KLC4: variants seen among roughly 807,000 people sequenced by gnomAD.
The protein encoded by KLC4 is kinesin light chain 4.
KLC4 carries 49 observed loss-of-function variants against 77.2 expected under a neutral mutation model. The observed-to-expected ratio is 0.63, with a 90% confidence interval of 0.50 to 0.80. The LOEUF (loss-of-function observed/expected upper bound fraction) is 0.80, where lower values mean the gene tolerates loss of function less well. Among genes scored for constraint, KLC4 ranks in the 30% least tolerant of loss-of-function variants. The pLI is 0.00. For missense variants in KLC4, 669 were observed against 793.5 expected, an observed-to-expected ratio of 0.84 and a Z score of 1.89; for synonymous variants, 274 against 314.5, an observed-to-expected ratio of 0.87 and a Z score of 1.36.
At chr6:43,072,999 C>T in intron 13 of KLC4, 35 bp downstream of exon 13, 3 of 1,554,242 alleles carry the variant, frequency 1.9e-6, no homozygotes, top group Non-Finnish European at 2.6e-6. Flanking sequence ...TCTCTCCTGC[C>T]CACTCCTGCT....
In KLC4 at chr6:43,065,781, A is replaced by T. The variant is rs950980271; in HGVS notation, c.571+80A>T. 5 of 913,072 alleles carry T rather than the reference A, an allele frequency of 5.5e-6. No homozygotes were observed. In the African/African-American group the frequency reaches 8.3e-5, roughly 15 times the overall value. 56.6% of individuals were successfully genotyped at this position (913,072 alleles called of 1,614,324 possible). A position where few individuals can be genotyped will look rare whatever the true frequency, so the allele number is the denominator to read the frequency against. On this transcript the variant is annotated intron_variant, in intron 4 of 15. Transcript: ENST00000347162. ...AGCTGTGGCCCACCCTGTACACAGG[A>T]CAGTCACCATCTAGAAATAGGTTCT...
At chr6:43,072,547 T>C (rs1765784217) in intron 12 of KLC4, among the ~76,000 whole-genome samples, 1 of 152,038 alleles carries the variant, frequency 6.6e-6, no homozygotes, top group Non-Finnish European at 1.5e-5. Flanking sequence ...AGGAGTGAGG[T>C]TGGGGAGAGC....
intron 6 of KLC4, 195 bp downstream of exon 6, chr6:43,067,278 CT>C (rs1765486482): frequency 1.6e-6 from 2 of 1,223,992 alleles, no homozygotes; most frequent in African/African-American, 1.5e-5. Flanking sequence ...TCAGTGACTC[CT>C]TTTTATAACA....
chr6:43,066,433 CTG>C lies in KLC4; in HGVS notation c.701_702del (p.Cys234Ter). 1 of 1,614,180 alleles carries C rather than the reference CTG, an allele frequency of 6.2e-7. No individual in the cohort carries two copies. The highest frequency in any genetic ancestry group is 8.5e-7 in the Non-Finnish European group (1 of 1,180,034). On this transcript the variant is annotated frameshift_variant, in exon 5 of 16. Coordinates refer to ENST00000347162, the MANE Select transcript of KLC4 (RefSeq NM_201521.3). LOFTEE classifies it high-confidence loss of function. ...QGRYEVAVPL[C>X]KQALEDLERT... Reference sequence around the variant, plus strand: ...GTCGCTATGAGGTGGCCGTGCCACTCTGTAAGCAGGCACTAGAGGACCTGGAG... The same window carrying C: ...GTCGCTATGAGGTGGCCGTGCCACTCTAAGCAGGCACTAGAGGACCTGGAG...
Position 43,071,186 on chromosome 6 carries a change from G to T in KLC4, c.1156-89G>T. 5 of 774,908 alleles carry T rather than the reference G, an allele frequency of 6.5e-6. No individual in the cohort carries two copies. The Middle Eastern group carries it at 9.6e-4, about 148-fold the overall frequency. The allele number at this position is 774,908 out of a possible 1,614,324, so 48.0% of individuals were successfully genotyped here. On this transcript the variant is annotated intron_variant, in intron 8 of 15. Coordinates refer to ENST00000347162, the MANE Select transcript of KLC4 (RefSeq NM_201521.3). Reference sequence around the variant, plus strand: ...TGAGAAGTGGAACTCCCTGAGCCTGGTGAAGACCTTGTCTAAAAAAAAAAA... The same window carrying T: ...TGAGAAGTGGAACTCCCTGAGCCTGTTGAAGACCTTGTCTAAAAAAAAAAA...
At chr6:43,066,844 G>A (rs1164166473) in intron 5 of KLC4, 152 bp from the exon 6 acceptor site, 3 of 1,134,086 alleles carry the variant, frequency 2.6e-6, no homozygotes, top group East Asian at 2.5e-5. Context: ...GTATGAGTAT[G>A]TCAGTGAAGC....
Position 43,074,735 on chromosome 6 carries a change from C to T in KLC4, c.*63C>T, listed in dbSNP as rs1765906752. 2.9e-6 allele frequency: 4 copies of T among 1,380,066 alleles called. No homozygotes were observed. The South Asian group carries it at 4.6e-5, about 16-fold the overall frequency. The allele number at this position is 1,380,066 out of a possible 1,614,324, so 85.5% of individuals were successfully genotyped here. ...CCCCCACAGCCCTCACAGCATTCCC[C>T]ATTGCTCCTGGCTCTTCCCCACCCC... On this transcript the variant is annotated 3_prime_UTR_variant, in exon 16 of 16. Coordinates refer to ENST00000347162, the MANE Select transcript of KLC4 (RefSeq NM_201521.3).
Position 43,074,606 on chromosome 6 carries a change from GTGT to G in KLC4, c.1810-12_1810-10del, listed in dbSNP as rs1765893221. On this transcript the variant is annotated splice_polypyrimidine_tract_variant and intron_variant, in intron 15 of 15. Coordinates refer to ENST00000347162, the MANE Select transcript of KLC4 (RefSeq NM_201521.3). The stretch of plus-strand genomic sequence containing the variant: ...CCGAGGTCCCTGAGCTGATGGGGTA[GTGT>G]TGTCTGTTTCAGGTCTCCCGGGGCC... 1.9e-6 allele frequency: 3 copies of G among 1,613,668 alleles called. No individual in the cohort carries two copies. Among genetic ancestry groups the G allele is most frequent in the Non-Finnish European group, 2.5e-6 (3 of 1,179,558 alleles).
rs386700664 is a variant in KLC4, at chr6:43,070,924, GGA to G, written c.1155+61_1155+62del. On this transcript the variant is annotated intron_variant, in intron 8 of 15. Coordinates refer to ENST00000347162, the MANE Select transcript of KLC4 (RefSeq NM_201521.3). Reference sequence around the variant, plus strand: ...CGGAGAGGGGGGCACAGAGGTGGGGGGAGGGGGGGCAGGCGGAGAGGCCACTT... The same window carrying G: ...CGGAGAGGGGGGCACAGAGGTGGGGGGGGGGGGCAGGCGGAGAGGCCACTT... 762 of 317,480 alleles carry G rather than the reference GGA, an allele frequency of 2.4e-3. 5 individuals are homozygous for G. The highest frequency in any genetic ancestry group is 0.011 in the African/African-American group (328 of 28,680). 19.7% of individuals were successfully genotyped at this position (317,480 alleles called of 1,614,324 possible).
chr6:43,071,582 T>C lies in KLC4; in HGVS notation c.1271T>C (p.Ile424Thr), dbSNP rs1765728357. The C allele has an allele frequency of 6.2e-7, 1 of 1,613,428 alleles. No individual in the cohort carries two copies. The highest frequency in any genetic ancestry group is 8.5e-7 in the Non-Finnish European group (1 of 1,179,874). ...FGSVDDDHKP[I>T]WMHAEEREEM... Reference sequence around the variant, plus strand: ...TCACCCCTAGATGACCACAAGCCCATCTGGATGCATGCAGAGGAGCGGGAG... The same window carrying C: ...TCACCCCTAGATGACCACAAGCCCACCTGGATGCATGCAGAGGAGCGGGAG... The change falls in exon 10 of 16, where the codon ATC becomes ACC. Residue 424 changes from isoleucine to threonine, a missense_variant. Coordinates refer to ENST00000347162, the MANE Select transcript of KLC4 (RefSeq NM_201521.3).
chr6:43,061,456 C>T lies in KLC4; in HGVS notation c.121C>T (p.Gln41Ter). 6.2e-7 allele frequency: 1 copy of T among 1,614,210 alleles called. No homozygotes were observed. Among genetic ancestry groups the T allele is most frequent in the Non-Finnish European group, 8.5e-7 (1 of 1,180,034 alleles). Residue 41 changes from glutamine (Q) to a stop codon, truncating the protein, a stop_gained, in exon 2 of 16, where the codon CAG becomes TAG. Transcript: ENST00000347162. LOFTEE classifies it high-confidence loss of function. ...GCTAGAGGCCCTACGCAGTGAACAC[C>T]AGGCCGTGCTGCAAAGCCTGTCCCA... is the stretch of plus-strand genomic sequence containing the variant. ...QGLEALRSEH[Q>*]AVLQSLSQTI... is the part of the protein sequence containing the mutation.
chr6:43,071,434 T>C (rs1215748622), intron 9 of KLC4, 60 bp downstream of exon 9: 2 of 1,556,392 alleles, frequency 1.3e-6, no homozygotes, highest in Non-Finnish European at 1.8e-6. Context: ...AGACCAAAGG[T>C]CGGGGGTTAG....
chr6:43,064,727 A>G (rs114746147), intron 3 of KLC4, among the ~76,000 whole-genome samples: 1,930 of 152,316 alleles, frequency 0.013, 45 homozygotes, highest in African/African-American at 0.043. Context: ...TCCCAGGGAA[A>G]GTGAGTAGAT....
In KLC4 at chr6:43,065,657, A is replaced by T. The variant is rs753808766; in HGVS notation, c.527A>T (p.Asp176Val). Residue 176 changes from aspartate (D) to valine (V), a missense_variant, in exon 4 of 16, where the codon GAT becomes GTT. Asp to Val is a radical substitution (Grantham distance 152, BLOSUM62 -3). Coordinates refer to ENST00000347162, the MANE Select transcript of KLC4 (RefSeq NM_201521.3). Reference sequence around the variant, plus strand: ...GGCGATGCCACCAAGGATTCCCTGGATGACCTCTTTCCTAATGAGGAGGAA... The same window carrying T: ...GGCGATGCCACCAAGGATTCCCTGGTTGACCTCTTTCCTAATGAGGAGGAA... ...KEGDATKDSL[D>V]DLFPNEEEED... is the part of the protein sequence containing the mutation. 6.2e-7 allele frequency: 1 copy of T among 1,614,006 alleles called. No homozygotes were observed. Among genetic ancestry groups the T allele is most frequent in the Non-Finnish European group, 8.5e-7 (1 of 1,179,920 alleles).
chr6:43,074,246 T>C (rs1009038982), intron 15 of KLC4: 13 of 465,378 alleles, frequency 2.8e-5, no homozygotes, highest in African/African-American at 2.6e-4. Context: ...TTAAGAATTA[T>C]TTGGAGATAC....
At position 43,064,439 on chromosome 6, in the gene KLC4, G is replaced by A. The variant is rs191959441; in HGVS notation, c.490-1181G>A. 1.6e-4 allele frequency among the ~76,000 whole-genome samples: 24 copies of A among 152,302 alleles called. No homozygotes were observed. The East Asian group carries it at 2.7e-3, about 17-fold the overall frequency. On this transcript the variant is annotated intron_variant, in intron 3 of 15. Transcript: ENST00000347162. ...CTCTGGAGGCTGAGGTGGGAGGATC[G>A]CTTGAGCCCAGGAGGTGGAAGCTGC... is the stretch of plus-strand genomic sequence containing the variant.
intron 5 of KLC4, 142 bp from the exon 6 acceptor site, chr6:43,066,854 C>A: frequency 8.2e-7 from 1 of 1,224,816 alleles, no homozygotes; most frequent in Non-Finnish European, 1.1e-6. Context: ...GTCAGTGAAG[C>A]CCCCTTACTG....
At chr6:43,060,018 G>C in intron 1 of KLC4, 1 of 1,433,822 alleles carries the variant, frequency 7.0e-7, no homozygotes, top group African/African-American at 1.4e-5. Context: ...ACCAGGGCAG[G>C]TCGACAGCCC....
intron 1 of KLC4, chr6:43,060,003 T>A: frequency 2.4e-4 from 306 of 1,284,704 alleles, no homozygotes; most frequent in East Asian, 1.1e-3. Context: ...CTCCCAACCC[T>A]GGGCACCAGG....
Sources: gnomAD v4.1 joint callset for allele counts (sites outside exome capture counted in the v4.1 genomes callset) on GRCh38, gnomAD v4.1.1 for gene constraint, MANE v1.5 for transcripts, NCBI Gene and HGNC (gene_info 2026-07-23, HGNC 2026-07-21) for gene names.